The following NEDD4L variants were observed in gnomAD, a reference collection of about 807,000 sequenced individuals.
NEDD4L encodes NEDD4 like E3 ubiquitin protein ligase, also known as E3 ubiquitin-protein ligase NEDD4-like.
In NEDD4L, 54 loss-of-function variants were observed where a neutral mutation model predicts 148.9. The observed-to-expected ratio is 0.36, with a 90% CI of 0.29 to 0.45. The LOEUF (loss-of-function observed/expected upper bound fraction) is 0.45, where lower values mean the gene tolerates loss of function less well. NEDD4L is among the 20% of genes least tolerant of loss of function. The pLI, the probability that NEDD4L is intolerant of heterozygous loss-of-function variation, is 1.00. For synonymous variants in NEDD4L, 433 were observed against 440.7 expected (o/e 0.98, Z 0.22); for missense variants, 856 against 1,233.8 (o/e 0.69, Z 4.59).
At chr18:58,081,013 C>T (rs1027118535) in intron 1 of NEDD4L, among the ~76,000 whole-genome samples, 4 of 152,044 alleles carry the variant, frequency 2.6e-5, no homozygotes, top group African/African-American at 9.7e-5. Context: ...TTGTCTGGGT[C>T]TTTGAAAGCC....
In NEDD4L at chr18:58,256,945, G is replaced by A. The variant is rs1225705940; in HGVS notation, c.297+4891G>A. ...ACGATGATTTGTGGTCCAGTGTTTG[G>A]TGCGCAAAACACCATTTCTGCAAAT... On this transcript the variant is annotated intron_variant, in intron 5 of 30. Transcript: ENST00000400345. The surrounding 1 kb of genome is among the most constrained non-coding windows in gnomAD (Gnocchi z 5.2). Among the ~76,000 whole-genome samples, 1 of 152,166 alleles carries A rather than the reference G, an allele frequency of 6.6e-6. No individual in the cohort carries two copies. The highest frequency in any genetic ancestry group is 1.9e-4 in the East Asian group (1 of 5,198).
At chr18:58,353,739 A>G (rs2044226436) in intron 18 of NEDD4L, among the ~76,000 whole-genome samples, 1 of 152,222 alleles carries the variant, frequency 6.6e-6, no homozygotes, top group South Asian at 2.1e-4. Context: ...GTCAGAAGAA[A>G]GCCTCTTTTT....
At chr18:58,232,498 A>G (rs1439848829) in intron 2 of NEDD4L, among the ~76,000 whole-genome samples, 1 of 152,158 alleles carries the variant, frequency 6.6e-6, no homozygotes, top group Non-Finnish European at 1.5e-5. Context: ...CATTCTTTCT[A>G]TAAACTCCCT....
chr18:58,135,582 G>A (rs1249574681), intron 1 of NEDD4L, among the ~76,000 whole-genome samples: 4 of 152,224 alleles, frequency 2.6e-5, no homozygotes, highest in Non-Finnish European at 5.9e-5. Flanking sequence ...GAAGTTCCGA[G>A]TTGTGATCTC....
At chr18:58,245,552 AATCC>A in intron 3 of NEDD4L, 44 bp downstream of exon 3, 8 of 1,063,760 alleles carry the variant, frequency 7.5e-6, no homozygotes, top group South Asian at 1.4e-5. Flanking sequence ...GTCATAATTT[AATCC>A]AATTATGCAC....
intron 2 of NEDD4L, among the ~76,000 whole-genome samples, chr18:58,209,030 C>A (rs1455052687): frequency 6.6e-6 from 1 of 151,780 alleles, no homozygotes. Flanking sequence ...GTTTTTTAAG[C>A]CTGAATATGA....
At chr18:58,185,602 T>A (rs1002097220) in intron 2 of NEDD4L, among the ~76,000 whole-genome samples, 3 of 152,184 alleles carry the variant, frequency 2.0e-5, no homozygotes, top group Non-Finnish European at 4.4e-5. Flanking sequence ...GGTTGGGTGC[T>A]GTGGCTCACG....
At chr18:58,349,446 T>A (rs1180548314) in intron 16 of NEDD4L, 91 bp from the exon 17 acceptor site, 1 of 1,075,414 alleles carries the variant, frequency 9.3e-7, no homozygotes, top group Non-Finnish European at 1.4e-6. Context: ...CCTGGTTGCC[T>A]TGAAACAAAC....
intron 24 of NEDD4L, among the ~76,000 whole-genome samples, chr18:58,380,243 A>AT (rs893369027): frequency 1.1e-3 from 164 of 145,312 alleles, no homozygotes; most frequent in African/African-American, 2.1e-3. Context: ...CACAAAACAG[A>AT]TTTTTTTTTT....
chr18:58,181,086 T>C (rs2146973362), intron 2 of NEDD4L, among the ~76,000 whole-genome samples: 1 of 152,384 alleles, frequency 6.6e-6, no homozygotes, highest in East Asian at 1.9e-4. Context: ...TCTCGAATAG[T>C]GACACTTATG....
At chr18:58,125,704 A>C (rs2030957788) in intron 1 of NEDD4L, among the ~76,000 whole-genome samples, 1 of 152,240 alleles carries the variant, frequency 6.6e-6, no homozygotes, top group Non-Finnish European at 1.5e-5. Context: ...TCTAGTAGTC[A>C]CATTAAAAAG....
intron 1 of NEDD4L, among the ~76,000 whole-genome samples, chr18:58,142,324 A>G (rs917023058): frequency 7.4e-6 from 1 of 135,762 alleles, no homozygotes; most frequent in African/African-American, 2.8e-5. Flanking sequence ...CTGGGATTAC[A>G]GGCGTGAACC....
At chr18:58,393,490 G>T (rs543501545) in intron 30 of NEDD4L, among the ~76,000 whole-genome samples, 1 of 152,176 alleles carries the variant, frequency 6.6e-6, no homozygotes, top group African/African-American at 2.4e-5. Context: ...GCTCTTACCA[G>T]AACTTATTTT....
intron 4 of NEDD4L, among the ~76,000 whole-genome samples, chr18:58,250,545 C>T (rs1262886520): frequency 6.6e-6 from 1 of 152,194 alleles, no homozygotes; most frequent in East Asian, 1.9e-4. Context: ...CATAGAGCTT[C>T]TAAACAGATA....
At position 58,187,487 on chromosome 18, in the gene NEDD4L, T is replaced by A. The variant is rs532893675; in HGVS notation, c.122+21626T>A. ...TCAGAAGAGCAATAAAGAAAAAATTTAAATCTAAAAAATACATGATTAGGA... is the reference window on the plus strand; with the variant it reads ...TCAGAAGAGCAATAAAGAAAAAATTAAAATCTAAAAAATACATGATTAGGA... On this transcript the variant is annotated intron_variant, in intron 2 of 30. Transcript: ENST00000400345. Among the ~76,000 whole-genome samples, 6 of 152,310 alleles carry A rather than the reference T, an allele frequency of 3.9e-5. No homozygotes were observed. In the South Asian group the frequency reaches 1.2e-3, roughly 32 times the overall value.
chr18:58,261,446 G>A (rs904083806), intron 5 of NEDD4L, among the ~76,000 whole-genome samples: 6 of 152,196 alleles, frequency 3.9e-5, no homozygotes, highest in African/African-American at 1.4e-4. Context: ...ACTTTAAAAT[G>A]AGGGAGATAT....
At chr18:58,165,937 G>T in intron 2 of NEDD4L, 76 bp downstream of exon 2, 1 of 1,197,076 alleles carries the variant, frequency 8.4e-7, no homozygotes, top group East Asian at 2.5e-5. Flanking sequence ...GCACGCATCA[G>T]AATCACCTGG....
At chr18:58,201,907 A>T (rs926824276) in intron 2 of NEDD4L, among the ~76,000 whole-genome samples, 18 of 152,178 alleles carry the variant, frequency 1.2e-4, no homozygotes, top group Admixed American at 9.2e-4. Flanking sequence ...TCTGTGCTAT[A>T]CGCTGACGGA....
chr18:58,335,328 G>A (rs951008083), intron 12 of NEDD4L, 150 bp from the exon 13 acceptor site: 13 of 626,426 alleles, frequency 2.1e-5, no homozygotes, highest in Admixed American at 1.3e-4. Flanking sequence ...GGTCATCAGC[G>A]ACTGCTGGCT....
Sources: allele counts gnomAD v4.1 joint callset (sites outside exome capture counted in the v4.1 genomes callset), GRCh38; gene constraint gnomAD v4.1.1; non-coding constraint Gnocchi (gnomAD v3.1); transcripts MANE v1.5; gene names NCBI Gene and HGNC (gene_info 2026-07-23, HGNC 2026-07-21).